Variants in BCO1 observed in about 807,000 individuals in gnomAD.
The protein encoded by BCO1 is beta-carotene oxygenase 1, also known as beta,beta-carotene 15,15'-dioxygenase.
Under a neutral mutation model 56.3 loss-of-function variants are expected in BCO1, and 54 were observed. The observed-to-expected ratio is 0.96, with a 90% CI of 0.77 to 1.20. BCO1 has a LOEUF of 1.20. Ranked by LOEUF, BCO1 falls within the 50% of genes most tolerant of loss-of-function variation. The pLI is 0.00. For synonymous variants in BCO1, 318 were observed against 266.1 expected, an observed-to-expected ratio of 1.20 and a Z score of -1.90; for missense variants, 801 against 690.9, an observed-to-expected ratio of 1.16 and a Z score of -1.79.
At chr16:81,268,408 G>T (rs1906969568) in intron 6 of BCO1, among the ~76,000 whole-genome samples, 1 of 152,182 alleles carries the variant, frequency 6.6e-6, no homozygotes, top group Admixed American at 6.5e-5. Flanking sequence ...GTCCCCATAT[G>T]CCCAGCAGCA....
chr16:81,243,890 C>T (rs570751972), intron 1 of BCO1, among the ~76,000 whole-genome samples: 1 of 152,334 alleles, frequency 6.6e-6, no homozygotes, highest in African/African-American at 2.4e-5. Flanking sequence ...AGAAGGAAAC[C>T]AATAAATGGG....
intron 2 of BCO1, among the ~76,000 whole-genome samples, chr16:81,254,915 G>A (rs536473894): frequency 1.3e-5 from 2 of 152,272 alleles, no homozygotes; most frequent in Admixed American, 1.3e-4. Context: ...TCCCGCCTCA[G>A]CCTCCTGAAC....
At chr16:81,253,149 G>T (rs1905914706) in intron 2 of BCO1, among the ~76,000 whole-genome samples, 1 of 152,072 alleles carries the variant, frequency 6.6e-6, no homozygotes, top group African/African-American at 2.4e-5. Flanking sequence ...CCACCTAGAA[G>T]GGGAGGACTA....
At chr16:81,264,901 T>C (rs1029578972) in intron 5 of BCO1, 114 bp downstream of exon 5, 1 of 1,204,586 alleles carries the variant, frequency 8.3e-7, no homozygotes, top group Admixed American at 1.8e-5. Flanking sequence ...CTCCCGTAGA[T>C]TATTGAGGTG....
At chr16:81,250,935 C>T (rs1329395055) in intron 2 of BCO1, among the ~76,000 whole-genome samples, 1 of 152,072 alleles carries the variant, frequency 6.6e-6, no homozygotes, top group East Asian at 1.9e-4. Context: ...GCATCATAGT[C>T]CTCAAAGATA....
intron 9 of BCO1, among the ~76,000 whole-genome samples, chr16:81,286,104 T>C (rs1908166455): frequency 6.6e-6 from 1 of 152,024 alleles, no homozygotes. Flanking sequence ...TCCATGCCTG[T>C]CTTGAATTCC....
intron 2 of BCO1, among the ~76,000 whole-genome samples, chr16:81,256,474 G>A (rs981261063): frequency 2.0e-5 from 3 of 152,098 alleles, no homozygotes; most frequent in Non-Finnish European, 2.9e-5. Flanking sequence ...ACTATACCAC[G>A]AAAATGAAAT....
chr16:81,270,468 G>A (rs1459632906), intron 7 of BCO1, 52 bp downstream of exon 7: 4 of 1,609,966 alleles, frequency 2.5e-6, no homozygotes, highest in Non-Finnish European at 3.4e-6. Flanking sequence ...ATCGGCCCAG[G>A]TGGGAAGTTA....
At position 81,239,669 on chromosome 16, in the gene BCO1, C is replaced by T. The variant is rs539963851; in HGVS notation, c.64+697C>T. On this transcript the variant is annotated intron_variant, in intron 1 of 10. Coordinates refer to ENST00000258168, the MANE Select transcript of BCO1 (RefSeq NM_017429.3). ...AGCTCCCACGCATGCACATCCACCA[C>T]GCACACTTGCAGGGGATTGCAGAGT... Among the ~76,000 whole-genome samples the T allele has an allele frequency of 4.6e-5, 7 of 152,272 alleles. No individual in the cohort carries two copies. The South Asian group carries it at 8.3e-4, about 18-fold the overall frequency.
At chr16:81,259,915 T>G in intron 3 of BCO1, 110 bp downstream of exon 3, 2 of 1,333,786 alleles carry the variant, frequency 1.5e-6, no homozygotes, top group South Asian at 2.4e-5. Flanking sequence ...AGATGAAAAC[T>G]CCACATGACT....
intron 7 of BCO1, among the ~76,000 whole-genome samples, chr16:81,279,987 G>T (rs1267728635): frequency 6.6e-6 from 1 of 152,008 alleles, no homozygotes; most frequent in Non-Finnish European, 1.5e-5. Flanking sequence ...TTCTGGCTGG[G>T]CGTGGTGGCT....
chr16:81,238,802 G>C lies in BCO1; in HGVS notation c.-107G>C, dbSNP rs1176350557. 1 of 938,708 alleles carries C rather than the reference G, an allele frequency of 1.1e-6. No individual in the cohort carries two copies. The highest frequency in any genetic ancestry group is 1.6e-5 in the African/African-American group (1 of 61,598). The allele number at this position is 938,708 out of a possible 1,614,324, so 58.1% of individuals were successfully genotyped here. A position where few individuals can be genotyped will look rare whatever the true frequency, so the allele number is the denominator to read the frequency against. On this transcript the variant is annotated 5_prime_UTR_variant, in exon 1 of 11. Coordinates refer to ENST00000258168, the MANE Select transcript of BCO1 (RefSeq NM_017429.3). The stretch of plus-strand genomic sequence containing the variant: ...GAGACAGAGATGTGAAGGAGGGAAG[G>C]AGCAGGAGAGCAGGAAGGAAACGCA...
intron 2 of BCO1, 50 bp from the exon 3 acceptor site, chr16:81,259,626 A>G: frequency 6.2e-7 from 1 of 1,613,612 alleles, no homozygotes. Flanking sequence ...ATTGATTTTA[A>G]AGCCCTGTGA....
At chr16:81,265,109 C>G (rs1051059057) in intron 5 of BCO1, among the ~76,000 whole-genome samples, 1 of 152,000 alleles carries the variant, frequency 6.6e-6, no homozygotes, top group South Asian at 2.1e-4. Context: ...TACCATCCAT[C>G]CATTCATGCA....
intron 6 of BCO1, 33 bp from the exon 7 acceptor site, chr16:81,270,126 T>A: frequency 6.2e-7 from 1 of 1,613,238 alleles, no homozygotes; most frequent in Non-Finnish European, 8.5e-7. Context: ...TGAGAGAGGG[T>A]GAGCTGAGCC....
chr16:81,255,821 T>A (rs897084429), intron 2 of BCO1, among the ~76,000 whole-genome samples: 1 of 151,196 alleles, frequency 6.6e-6, no homozygotes, highest in Non-Finnish European at 1.5e-5. Flanking sequence ...TCTTTCTTTT[T>A]ATTTATTTAT....
At position 81,270,416 on chromosome 16, in the gene BCO1, G is replaced by C; in HGVS notation, c.1101G>C (p.Lys367Asn). ...TTGCCGTGCCCCTCCACGTGGACAA[G>C]GTAATGGCTTCCAAGGAGGTCCCTT... is the stretch of plus-strand genomic sequence containing the variant. ...RRFAVPLHVD[K>N]NAEVGTNLIK... The change falls in exon 7 of 11, where the codon AAG becomes AAC. Residue 367 changes from lysine (K) to asparagine (N), a missense_variant and splice_region_variant. By Grantham distance (94) the Lys-to-Asn change is moderately conservative (BLOSUM62 0). Transcript: ENST00000258168. The C allele has an allele frequency of 6.2e-7, 1 of 1,614,042 alleles. No homozygotes were observed. Among genetic ancestry groups the C allele is most frequent in the Non-Finnish European group, 8.5e-7 (1 of 1,180,010 alleles).
intron 2 of BCO1, among the ~76,000 whole-genome samples, chr16:81,252,300 C>T (rs745376580): frequency 6.6e-6 from 1 of 152,038 alleles, no homozygotes; most frequent in East Asian, 1.9e-4. Flanking sequence ...TGCTCTGTCA[C>T]CCAGGCTGGA....
intron 7 of BCO1, among the ~76,000 whole-genome samples, chr16:81,271,064 G>A (rs1907181719): frequency 1.3e-5 from 2 of 151,046 alleles, no homozygotes; most frequent in African/African-American, 4.9e-5. Context: ...ATTTTTAACA[G>A]CTTTATTGAG....
Sources: allele counts gnomAD v4.1 joint callset (sites outside exome capture counted in the v4.1 genomes callset), GRCh38; gene constraint gnomAD v4.1.1; transcripts MANE v1.5; gene names NCBI Gene and HGNC (gene_info 2026-07-23, HGNC 2026-07-21).